Variants in CFAP299 observed in about 807,000 individuals in gnomAD.
The protein encoded by CFAP299 is cilia and flagella associated protein 299.
In CFAP299, 21 loss-of-function variants were observed where a neutral mutation model predicts 27.0. The observed-to-expected ratio is 0.78, with a 90% CI of 0.55 to 1.12. The LOEUF (loss-of-function observed/expected upper bound fraction) is 1.12, where lower values mean the gene tolerates loss of function less well. Ranked by LOEUF, CFAP299 falls within the 50% of genes most tolerant of loss-of-function variation. The probability of loss-of-function intolerance (pLI) is 0.00; values close to 1 mark genes in which losing one functional copy is unlikely to be tolerated. For missense variants in CFAP299, 310 were observed against 276.6 expected (o/e 1.12, Z -0.86); for synonymous variants, 104 against 98.1 (o/e 1.06, Z -0.36).
intron 3 of CFAP299, among the ~76,000 whole-genome samples, chr4:80,624,756 G>T (rs1229192729): frequency 6.6e-6 from 1 of 151,984 alleles, no homozygotes; most frequent in Admixed American, 6.6e-5. Context: ...AGAAAATTAT[G>T]TATAAAAATG....
intron 5 of CFAP299, 68 bp downstream of exon 5, chr4:80,945,007 A>C: frequency 7.0e-7 from 1 of 1,425,704 alleles, no homozygotes; most frequent in East Asian, 2.3e-5. Flanking sequence ...ACTATTCAAA[A>C]AATCTGTTAA....
intron 4 of CFAP299, among the ~76,000 whole-genome samples, chr4:80,877,195 CA>C (rs763347867): frequency 6.6e-6 from 1 of 151,920 alleles, no homozygotes; most frequent in Admixed American, 6.6e-5. Flanking sequence ...AACTGTGGTT[CA>C]AAAAAATTTT....
At chr4:80,906,393 G>T (rs1344876969) in intron 4 of CFAP299, among the ~76,000 whole-genome samples, 1 of 152,192 alleles carries the variant, frequency 6.6e-6, no homozygotes, top group Non-Finnish European at 1.5e-5. Flanking sequence ...GGTGCATGGT[G>T]CAAGCTGCCA....
chr4:80,713,656 C>T (rs1041639048), intron 3 of CFAP299, among the ~76,000 whole-genome samples: 4 of 152,126 alleles, frequency 2.6e-5, no homozygotes, highest in Non-Finnish European at 4.4e-5. Flanking sequence ...TTTTATTATC[C>T]CCATGTTTAG....
intron 2 of CFAP299, among the ~76,000 whole-genome samples, chr4:80,564,617 A>G (rs761553501): frequency 7.2e-5 from 11 of 152,048 alleles, no homozygotes; most frequent in South Asian, 2.1e-4. Context: ...GGAATGTGAC[A>G]AGAATGCACA....
chr4:80,770,928 A>G (rs1235948931), intron 3 of CFAP299, among the ~76,000 whole-genome samples: 8 of 152,270 alleles, frequency 5.3e-5, no homozygotes, highest in East Asian at 3.9e-4. Flanking sequence ...AAGCATTCCC[A>G]TGATTTCTTA....
chr4:80,858,015 C>A (rs1395899394), intron 3 of CFAP299, among the ~76,000 whole-genome samples: 3 of 152,022 alleles, frequency 2.0e-5, no homozygotes, highest in East Asian at 1.9e-4. Flanking sequence ...TGGTAGAATT[C>A]GGCTGTGAAT....
chr4:80,448,956 T>C (rs1322385131), intron 2 of CFAP299, among the ~76,000 whole-genome samples: 2 of 152,162 alleles, frequency 1.3e-5, no homozygotes, highest in Non-Finnish European at 2.9e-5. Context: ...TCCTACCTCC[T>C]CATGGGCAGA....
chr4:80,734,073 T>A (rs1440197385), intron 3 of CFAP299, among the ~76,000 whole-genome samples: 1 of 152,130 alleles, frequency 6.6e-6, no homozygotes. Context: ...TACTAATTTA[T>A]ATTCCCACCA....
At chr4:80,661,672 A>G (rs1289577997) in intron 3 of CFAP299, among the ~76,000 whole-genome samples, 2 of 152,150 alleles carry the variant, frequency 1.3e-5, no homozygotes, top group African/African-American at 4.8e-5. Flanking sequence ...AAACGATATG[A>G]AATCTGGGCA....
At chr4:80,857,697 C>T (rs552931390) in intron 3 of CFAP299, among the ~76,000 whole-genome samples, 245 of 152,174 alleles carry the variant, frequency 1.6e-3, no homozygotes, top group African/African-American at 5.8e-3. Context: ...TGTTTATATG[C>T]TGGATTACAT....
At chr4:80,415,988 A>G (rs181090001) in intron 2 of CFAP299, among the ~76,000 whole-genome samples, 1 of 152,372 alleles carries the variant, frequency 6.6e-6, no homozygotes, top group East Asian at 1.9e-4. Flanking sequence ...CAGGTTGAGT[A>G]TTCTATGGAC....
intron 3 of CFAP299, among the ~76,000 whole-genome samples, chr4:80,732,452 C>A (rs72864881): frequency 6.6e-6 from 1 of 152,182 alleles, no homozygotes; most frequent in East Asian, 1.9e-4. Flanking sequence ...GAAAATGTAT[C>A]TGAGTTTCCA....
At chr4:80,408,418 A>G (rs1187324230) in intron 2 of CFAP299, among the ~76,000 whole-genome samples, 1 of 152,130 alleles carries the variant, frequency 6.6e-6, no homozygotes, top group East Asian at 1.9e-4. Context: ...ATTATTGGTC[A>G]TTTGTGTTTC....
At chr4:80,415,081 T>C (rs1343729763) in intron 2 of CFAP299, among the ~76,000 whole-genome samples, 2 of 152,202 alleles carry the variant, frequency 1.3e-5, no homozygotes, top group African/African-American at 4.8e-5. Flanking sequence ...AAGAGTCTCC[T>C]AACAGAAGTC....
intron 2 of CFAP299, among the ~76,000 whole-genome samples, chr4:80,499,767 A>T (rs577828465): frequency 6.5e-4 from 98 of 151,886 alleles, no homozygotes; most frequent in Non-Finnish European, 1.1e-3. Context: ...TCCTCTTGAT[A>T]TTTTTTTTCC....
At chr4:80,467,126 G>A (rs1560580329) in intron 2 of CFAP299, among the ~76,000 whole-genome samples, 1 of 152,278 alleles carries the variant, frequency 6.6e-6, no homozygotes, top group African/African-American at 2.4e-5. Flanking sequence ...GTATGTTGGA[G>A]CCAGCATTCA....
intron 2 of CFAP299, among the ~76,000 whole-genome samples, chr4:80,507,154 T>A (rs1732074984): frequency 6.6e-6 from 1 of 152,134 alleles, no homozygotes; most frequent in Non-Finnish European, 1.5e-5. Flanking sequence ...CATGGAGGCT[T>A]ATTTCTTATA....
At chr4:80,452,856 C>T (rs1229844908) in intron 2 of CFAP299, among the ~76,000 whole-genome samples, 1 of 152,144 alleles carries the variant, frequency 6.6e-6, no homozygotes, top group Non-Finnish European at 1.5e-5. Context: ...TAACTTAAAA[C>T]AATTCACACT....
Sources: gnomAD v4.1 joint callset for allele counts (sites outside exome capture counted in the v4.1 genomes callset) on GRCh38, gnomAD v4.1.1 for gene constraint, MANE v1.5 for transcripts, NCBI Gene and HGNC (gene_info 2026-07-23, HGNC 2026-07-21) for gene names.